Variants in MAP3K20 observed in about 807,000 individuals in gnomAD.
The protein encoded by MAP3K20 is mitogen-activated protein kinase kinase kinase 20, also known as HCCS-4.
Under a neutral mutation model 85.7 loss-of-function variants are expected in MAP3K20, and 40 were observed. That is an observed-to-expected ratio of 0.47 (90% CI 0.36 to 0.61). The LOEUF is 0.61. MAP3K20 is among the 20% of genes least tolerant of loss of function. The pLI is 0.00. For synonymous variants in MAP3K20, 325 were observed against 327.7 expected, an observed-to-expected ratio of 0.99 and a Z score of 0.09; for missense variants, 817 against 961.7, an observed-to-expected ratio of 0.85 and a Z score of 1.99.
intron 12 of MAP3K20, among the ~76,000 whole-genome samples, chr2:173,230,631 C>T (rs1414609026): frequency 6.6e-6 from 1 of 152,216 alleles, no homozygotes; most frequent in Admixed American, 6.5e-5. Context: ...CCCTGAGAAA[C>T]AATCCAACTT....
At chr2:173,168,687 G>T (rs555192450) in intron 2 of MAP3K20, among the ~76,000 whole-genome samples, 2 of 152,148 alleles carry the variant, frequency 1.3e-5, no homozygotes, top group Non-Finnish European at 2.9e-5. Context: ...CCAGTAATAT[G>T]CCTTTCATTG....
chr2:173,121,410 C>T (rs1156579136), intron 2 of MAP3K20, among the ~76,000 whole-genome samples: 2 of 152,062 alleles, frequency 1.3e-5, no homozygotes, highest in African/African-American at 2.4e-5. Flanking sequence ...GTTTTTGAGA[C>T]GGACTCTTGC....
Position 173,123,365 on chromosome 2 carries a change from A to G in MAP3K20, c.159+32175A>G, listed in dbSNP as rs139146391. Reference sequence around the variant, plus strand: ...CACATATTCCCAGGGTTCTGCCACTATATATTAACAAGGGTCTTGCAGGTT... The same window carrying G: ...CACATATTCCCAGGGTTCTGCCACTGTATATTAACAAGGGTCTTGCAGGTT... On this transcript the variant is annotated intron_variant, in intron 2 of 19. Transcript: ENST00000375213. Among the ~76,000 whole-genome samples the G allele has an allele frequency of 1.0e-3, 152 of 152,246 alleles. 1 individual carries two copies. The highest frequency in any genetic ancestry group is 3.5e-3 in the African/African-American group (144 of 41,540).
intron 2 of MAP3K20, among the ~76,000 whole-genome samples, chr2:173,099,311 G>T (rs1385500370): frequency 3.2e-5 from 4 of 126,762 alleles, no homozygotes; most frequent in Non-Finnish European, 1.6e-5. Flanking sequence ...TTGTTTGTTT[G>T]TTTTGTGTTT....
intron 2 of MAP3K20, among the ~76,000 whole-genome samples, chr2:173,144,112 A>G (rs1689054326): frequency 6.6e-6 from 1 of 152,102 alleles, no homozygotes; most frequent in South Asian, 2.1e-4. Context: ...CCTGTGCAAC[A>G]TGGTGAAACC....
intron 2 of MAP3K20, among the ~76,000 whole-genome samples, chr2:173,094,503 A>G (rs1299822776): frequency 6.6e-6 from 1 of 152,226 alleles, no homozygotes; most frequent in Non-Finnish European, 1.5e-5. Context: ...TTTCCAACCC[A>G]GGATCCAATC....
rs1053735018 is a variant in MAP3K20 at position 173,223,827 on chromosome 2, G to A, written c.988-5862G>A. ...CATAGAGAAGTACTACCTGACTTGA[G>A]TCAATGCACCCAAGAAGAAAAGCTT... On this transcript the variant is annotated intron_variant, in intron 11 of 19. Transcript: ENST00000375213. The A allele has an allele frequency of 4.1e-6, 4 of 985,322 alleles. No homozygotes were observed. In the African/African-American group the frequency reaches 7.0e-5, roughly 17 times the overall value. 61.0% of individuals were successfully genotyped at this position (985,322 alleles called of 1,614,324 possible).
chr2:173,171,132 A>G (rs1689987732), intron 3 of MAP3K20, among the ~76,000 whole-genome samples: 2 of 152,202 alleles, frequency 1.3e-5, no homozygotes, highest in South Asian at 4.1e-4. Flanking sequence ...TATAAATGTG[A>G]ATACCCAAGA....
chr2:173,105,113 C>T (rs542581705), intron 2 of MAP3K20, among the ~76,000 whole-genome samples: 5 of 152,258 alleles, frequency 3.3e-5, no homozygotes, highest in Admixed American at 2.6e-4. Flanking sequence ...TGAATAGTGA[C>T]GTGAAATGGT....
At chr2:173,197,949 G>A in intron 7 of MAP3K20, 77 bp from the exon 8 acceptor site, 1 of 1,299,914 alleles carries the variant, frequency 7.7e-7, no homozygotes, top group African/African-American at 1.5e-5. Context: ...ACAATTACAT[G>A]TTAGATAAGG....
chr2:173,210,466 T>C (rs10930579), intron 10 of MAP3K20: 45,928 of 152,410 alleles, frequency 0.3, 8,619 homozygotes, highest in Non-Finnish European at 0.42. Context: ...GAAACAAGAA[T>C]ACTGTTTACC....
At chr2:173,183,777 C>G (rs762319630) in intron 4 of MAP3K20, among the ~76,000 whole-genome samples, 1 of 152,120 alleles carries the variant, frequency 6.6e-6, no homozygotes, top group South Asian at 2.1e-4. Context: ...TTTTACTACT[C>G]CATTCTCTAC....
intron 18 of MAP3K20, among the ~76,000 whole-genome samples, chr2:173,261,775 G>T (rs976862092): frequency 3.3e-5 from 5 of 152,144 alleles, no homozygotes; most frequent in African/African-American, 1.2e-4. Flanking sequence ...TCAGTACTTT[G>T]GGAGGCTGAG....
chr2:173,245,007 TCTTTTA>T (rs899193167), intron 16 of MAP3K20, among the ~76,000 whole-genome samples: 1 of 152,202 alleles, frequency 6.6e-6, no homozygotes, highest in Non-Finnish European at 1.5e-5. Context: ...TTTCACCTTT[TCTTTTA>T]CAAGTAAAAT....
intron 2 of MAP3K20, among the ~76,000 whole-genome samples, chr2:173,142,522 G>A (rs1428014296): frequency 6.6e-6 from 1 of 151,896 alleles, no homozygotes; most frequent in Non-Finnish European, 1.5e-5. Flanking sequence ...CAAAGGATGG[G>A]GAAGTGAGCA....
intron 7 of MAP3K20, among the ~76,000 whole-genome samples, chr2:173,195,325 A>C (rs532135331): frequency 6.6e-6 from 1 of 152,168 alleles, no homozygotes; most frequent in African/African-American, 2.4e-5. Flanking sequence ...GTCTGTGAGC[A>C]CTGTTCCAGA....
At chr2:173,143,886 TAAA>T (rs201347842) in intron 2 of MAP3K20, among the ~76,000 whole-genome samples, 5 of 151,720 alleles carry the variant, frequency 3.3e-5, no homozygotes, top group African/African-American at 4.8e-5. Context: ...AAAGACAATG[TAAA>T]AAAAAATTAT....
At chr2:173,221,145 G>A (rs1684233823) in intron 11 of MAP3K20, 1 of 1,481,758 alleles carries the variant, frequency 6.7e-7, no homozygotes, top group Admixed American at 2.2e-5. Flanking sequence ...CTTCCCTTTT[G>A]ATAGCTTCTC....
intron 12 of MAP3K20, among the ~76,000 whole-genome samples, chr2:173,231,956 AAAG>A (rs1684532573): frequency 2.6e-5 from 4 of 152,216 alleles, no homozygotes; most frequent in Admixed American, 6.5e-5. Flanking sequence ...AATATCTCCC[AAAG>A]AAGGAGGAAA....
Sources: gnomAD v4.1 joint callset for allele counts (sites outside exome capture counted in the v4.1 genomes callset) on GRCh38, gnomAD v4.1.1 for gene constraint, MANE v1.5 for transcripts, NCBI Gene and HGNC (gene_info 2026-07-23, HGNC 2026-07-21) for gene names.